Variants in F8 observed in about 807,000 individuals in gnomAD.
F8 encodes the protein antihemophilic factor.
A neutral mutation model predicts 140.6 loss-of-function variants in F8; 12 were observed. The ratio of observed to expected loss-of-function variants is 0.09; its 90% CI spans 0.05 to 0.14. The LOEUF is 0.14. F8 is among the 10% of genes least tolerant of loss of function. F8 has a pLI of 1.00. For synonymous variants in F8, 585 were observed against 614.6 expected, an observed-to-expected ratio of 0.95 and a Z score of 0.71; for missense variants, 1,354 against 1,720.7, an observed-to-expected ratio of 0.79 and a Z score of 3.77.
intron 4 of F8, among the ~76,000 whole-genome samples, chrX:154,990,311 T>C (rs1603436332): frequency 8.9e-6 from 1 of 112,006 alleles, no homozygotes; most frequent in East Asian, 2.8e-4. Context: ...CCATTGTAAT[T>C]AGTTTATTGT....
chrX:154,995,754 C>A (rs996376240), intron 3 of F8, among the ~76,000 whole-genome samples: 2 of 112,372 alleles, frequency 1.8e-5, no homozygotes, highest in Admixed American at 9.4e-5. Context: ...CAAATATAAG[C>A]ATTTCAACTT....
At chrX:154,848,227 G>T (rs2072585594) in intron 25 of F8, among the ~76,000 whole-genome samples, 1 of 112,909 alleles carries the variant, frequency 8.9e-6, no homozygotes, top group Non-Finnish European at 1.9e-5. Flanking sequence ...AGGCTACTCG[G>T]GGGTCAGGGA....
intron 12 of F8, 73 bp from the exon 13 acceptor site, chrX:154,947,980 AC>A: frequency 2.5e-6 from 2 of 800,517 alleles, no homozygotes; most frequent in African/African-American, 4.0e-5. Flanking sequence ...TTGTCATGAT[AC>A]AATTAGGAAT....
chrX:154,988,429 A>G (rs1484545359), intron 4 of F8, among the ~76,000 whole-genome samples: 1 of 111,714 alleles, frequency 9.0e-6, no homozygotes, highest in African/African-American at 3.3e-5. Flanking sequence ...TGCTTCATTT[A>G]AATATCACCT....
intron 14 of F8, among the ~76,000 whole-genome samples, chrX:154,918,260 G>C (rs1191262664): frequency 1.8e-5 from 2 of 111,402 alleles, no homozygotes; most frequent in African/African-American, 6.5e-5. Flanking sequence ...TTAGGATTTT[G>C]TGTCCAGAGG....
At chrX:154,925,747 A>C (rs145373509) in intron 14 of F8, among the ~76,000 whole-genome samples, 43 of 112,885 alleles carry the variant, frequency 3.8e-4, no homozygotes, top group African/African-American at 1.3e-3. Context: ...TCTAGGAAGT[A>C]ACTAACTTGC....
In F8 at chrX:154,836,862, C is replaced by A. The variant is rs1455831017; in HGVS notation, c.*735G>T. 2.7e-5 allele frequency: 3 copies of A among 111,872 alleles called. No individual in the cohort carries two copies. The highest frequency in any genetic ancestry group is 5.6e-5 in the Non-Finnish European group (3 of 53,239). The allele number at this position is 111,872 out of a possible 1,213,427, so 9.2% of individuals were successfully genotyped here. A position where few individuals can be genotyped will look rare whatever the true frequency, so the allele number is the denominator to read the frequency against. ...AAATGGCTTTATATCTATGGACACT[C>A]GTCAGAAAAATGCACATTTGCATTT... On this transcript the variant is annotated 3_prime_UTR_variant, in exon 26 of 26. Transcript: ENST00000360256.
At chrX:154,976,020 C>A (rs1171892137) in intron 6 of F8, among the ~76,000 whole-genome samples, 1 of 111,207 alleles carries the variant, frequency 9.0e-6, no homozygotes, top group Non-Finnish European at 1.9e-5. Context: ...CTCAGCCTCC[C>A]GAGTAGCTGG....
chrX:154,934,705 T>C (rs1044541996), intron 13 of F8, among the ~76,000 whole-genome samples: 6 of 111,632 alleles, frequency 5.4e-5, no homozygotes, highest in Non-Finnish European at 9.4e-5. Context: ...ATACAATCAA[T>C]ACCTTTCATA....
intron 6 of F8, among the ~76,000 whole-genome samples, chrX:154,974,666 T>C (rs2073475454): frequency 8.9e-6 from 1 of 112,071 alleles, no homozygotes; most frequent in Non-Finnish European, 1.9e-5. Context: ...GAAGAATTGG[T>C]ATTAGTTCTT....
intron 6 of F8, among the ~76,000 whole-genome samples, chrX:154,973,601 G>A (rs1055679540): frequency 2.7e-5 from 3 of 111,514 alleles, no homozygotes; most frequent in South Asian, 7.3e-4. Flanking sequence ...TATTGTAAAC[G>A]TGATTGCTTT....
At chrX:154,924,244 C>T (rs1292630574) in intron 14 of F8, among the ~76,000 whole-genome samples, 5 of 111,773 alleles carry the variant, frequency 4.5e-5, no homozygotes, top group Admixed American at 9.5e-5. Context: ...AATGTGGAAG[C>T]GACTTTGGAA....
chrX:154,840,350 G>A (rs2072510547), intron 25 of F8, among the ~76,000 whole-genome samples: 1 of 111,633 alleles, frequency 9.0e-6, no homozygotes, highest in Non-Finnish European at 1.9e-5. Flanking sequence ...CCAACAGGAA[G>A]CCCTTCAGAC....
chrX:155,019,235 T>G (rs782497033), intron 1 of F8, among the ~76,000 whole-genome samples: 2 of 112,433 alleles, frequency 1.8e-5, no homozygotes, highest in East Asian at 5.6e-4. Flanking sequence ...CAGCAAATGT[T>G]ACTCTAAATA....
At position 154,911,028 on chromosome X, in the gene F8, C is replaced by T. The variant is rs782477205; in HGVS notation, c.5220-4455G>A. Among the ~76,000 whole-genome samples the T allele has an allele frequency of 2.7e-5, 3 of 109,541 alleles. No individual in the cohort carries two copies. The South Asian group carries it at 1.2e-3, about 45-fold the overall frequency. Reference sequence around the variant, plus strand: ...TTAAACTTATTTATGACACAGAGACCTTTGTTCACATGTTTTCCTGCTGAC... The same window carrying T: ...TTAAACTTATTTATGACACAGAGACTTTTGTTCACATGTTTTCCTGCTGAC... On this transcript the variant is annotated intron_variant, in intron 14 of 25. Coordinates refer to ENST00000360256, the MANE Select transcript of F8 (RefSeq NM_000132.4).
At chrX:154,875,776 G>A (rs957852837) in intron 22 of F8, among the ~76,000 whole-genome samples, 1 of 105,661 alleles carries the variant, frequency 9.5e-6, no homozygotes, top group Non-Finnish European at 2.0e-5. Flanking sequence ...TGTGTGTGTA[G>A]AGAGAGAGAG....
chrX:154,856,784 A>G (rs2072654486), intron 25 of F8, among the ~76,000 whole-genome samples: 1 of 111,899 alleles, frequency 8.9e-6, no homozygotes, highest in African/African-American at 3.3e-5. Context: ...TTTCTATCAG[A>G]ATAAATGTGC....
chrX:154,968,690 C>T (rs1181662020), intron 7 of F8, among the ~76,000 whole-genome samples: 1 of 111,498 alleles, frequency 9.0e-6, no homozygotes, highest in Non-Finnish European at 1.9e-5. Context: ...TTCCAAAGTT[C>T]CCACCAAATA....
intron 25 of F8, among the ~76,000 whole-genome samples, chrX:154,859,191 C>T (rs979848988): frequency 8.9e-6 from 1 of 111,867 alleles, no homozygotes; most frequent in Non-Finnish European, 1.9e-5. Flanking sequence ...GACAGACAGA[C>T]AGAATCTCCT....
Sources: allele counts gnomAD v4.1 joint callset (sites outside exome capture counted in the v4.1 genomes callset), GRCh38; gene constraint gnomAD v4.1.1; transcripts MANE v1.5; gene names NCBI Gene and HGNC (gene_info 2026-07-23, HGNC 2026-07-21).